Variants in MTUS1 observed in about 807,000 individuals in gnomAD.
MTUS1 encodes the protein microtubule associated scaffold protein 1, also known as microtubule-associated tumor suppressor 1.
MTUS1 carries 109 observed loss-of-function variants against 120.8 expected under a neutral mutation model. The observed-to-expected ratio is 0.90, with a 90% CI of 0.77 to 1.06. The LOEUF (loss-of-function observed/expected upper bound fraction) is 1.06, where lower values mean the gene tolerates loss of function less well. Among genes scored for constraint, MTUS1 ranks in the 50% least tolerant of loss-of-function variants. The pLI, the probability that MTUS1 is intolerant of heterozygous loss-of-function variation, is 0.00. For synonymous variants in MTUS1, 737 were observed against 550.5 expected, an observed-to-expected ratio of 1.34 and a Z score of -4.74; for missense variants, 2,210 against 1,486.3, an observed-to-expected ratio of 1.49 and a Z score of -8.01.
At chr8:17,779,219 G>A (rs430238) in intron 1 of MTUS1, among the ~76,000 whole-genome samples, 21,768 of 152,112 alleles carry the variant, frequency 0.14, 2,272 homozygotes, top group East Asian at 0.46. Context: ...AACATGTGAC[G>A]GGTGGTTACA....
chr8:17,766,872 C>A (rs2049547872), intron 1 of MTUS1, among the ~76,000 whole-genome samples: 1 of 151,686 alleles, frequency 6.6e-6, no homozygotes, highest in Non-Finnish European at 1.5e-5. Context: ...AAAATATGAT[C>A]TTTCTTTTAA....
At chr8:17,749,291 C>A (rs1246148563) in intron 2 of MTUS1, among the ~76,000 whole-genome samples, 3 of 152,154 alleles carry the variant, frequency 2.0e-5, no homozygotes, top group Non-Finnish European at 4.4e-5. Flanking sequence ...TTGGTTTCCA[C>A]AGCTCCTTAT....
Position 17,722,227 on chromosome 8 carries a change from G to A in MTUS1, c.2449+1445C>T, listed in dbSNP as rs190709359. 4.7e-4 allele frequency: 470 copies of A among 1,001,582 alleles called. 5 individuals carry two copies. The highest frequency in any genetic ancestry group is 5.0e-4 in the Middle Eastern group (1 of 1,992). 62.0% of individuals were successfully genotyped at this position (1,001,582 alleles called of 1,614,324 possible). A position where few individuals can be genotyped will look rare whatever the true frequency, so the allele number is the denominator to read the frequency against. ...GGAGCATCAGACACAGTACTGAAAC[G>A]GTGGCCAAGTCAACATGGATGTCGA... On this transcript the variant is annotated intron_variant, in intron 4 of 14. Coordinates refer to ENST00000693296, the MANE Select transcript of MTUS1 (RefSeq NM_001363059.2).
intron 8 of MTUS1, among the ~76,000 whole-genome samples, chr8:17,657,107 GTTAAT>G (rs1808475795): frequency 6.8e-6 from 1 of 146,832 alleles, no homozygotes; most frequent in South Asian, 2.2e-4. Context: ...TAAACTTGTA[GTTAAT>G]TTGAGTTGAT....
At chr8:17,705,816 C>A (rs945931159) in intron 6 of MTUS1, 5 of 152,274 alleles carry the variant, frequency 3.3e-5, no homozygotes, top group Non-Finnish European at 7.3e-5. Context: ...GGCAGACACT[C>A]TGGCACCTGA....
intron 6 of MTUS1, chr8:17,697,298 A>C: frequency 6.2e-7 from 1 of 1,614,162 alleles, no homozygotes; most frequent in Non-Finnish European, 8.5e-7. Flanking sequence ...CCCTGAAGGA[A>C]GTCGAAGGTT....
chr8:17,703,790 A>G (rs1819597848), intron 6 of MTUS1, among the ~76,000 whole-genome samples: 1 of 152,138 alleles, frequency 6.6e-6, no homozygotes, highest in Admixed American at 6.6e-5. Context: ...ATTTATCAAG[A>G]CAATACGTGC....
chr8:17,703,382 G>A (rs1366614105), intron 6 of MTUS1, among the ~76,000 whole-genome samples: 2 of 152,036 alleles, frequency 1.3e-5, no homozygotes, highest in Admixed American at 1.3e-4. Context: ...GCCTGTGATC[G>A]CAGCACTTTG....
chr8:17,722,250 C>T (rs2045901759), intron 4 of MTUS1: 2 of 993,694 alleles, frequency 2.0e-6, no homozygotes, highest in Non-Finnish European at 2.4e-6. Flanking sequence ...ACATGGATGT[C>T]GATGGAAAAC....
At chr8:17,714,015 C>G (rs190423474) in intron 5 of MTUS1, among the ~76,000 whole-genome samples, 1 of 152,268 alleles carries the variant, frequency 6.6e-6, no homozygotes, top group African/African-American at 2.4e-5. Flanking sequence ...TCCATGGAAT[C>G]TCATTCTCTG....
chr8:17,756,759 C>T (rs887464194), intron 1 of MTUS1, among the ~76,000 whole-genome samples: 1 of 142,932 alleles, frequency 7.0e-6, no homozygotes, highest in East Asian at 2.2e-4. Flanking sequence ...GAGTGCTGAT[C>T]CAACAGAGCT....
At chr8:17,788,990 G>A (rs772933655) in intron 1 of MTUS1, among the ~76,000 whole-genome samples, 4 of 151,454 alleles carry the variant, frequency 2.6e-5, no homozygotes, top group Non-Finnish European at 5.9e-5. Context: ...GTACAGTTAT[G>A]CTAAAGAAAT....
chr8:17,698,695 G>A (rs1489045630), intron 6 of MTUS1, among the ~76,000 whole-genome samples: 2 of 152,102 alleles, frequency 1.3e-5, no homozygotes, highest in Non-Finnish European at 2.9e-5. Flanking sequence ...GAGGGAGGAA[G>A]AGAAAATTTA....
rs1414752699 is a variant in MTUS1 at position 17,647,053 on chromosome 8, G to C, written c.3528C>G (p.Asp1176Glu). ...TCTCCTGCTGGAAACGCTTCAATTT[G>C]TCAACCAATGCTGTGTTGTTGTCCA... ...KLVDNNTALV[D>E]KLKRFQQENE... The change falls in exon 14 of 15, where the codon GAC (aspartate) becomes GAG (glutamate). Residue 1176 changes from aspartate (D) to glutamate (E), a missense_variant. Coordinates refer to ENST00000693296, the MANE Select transcript of MTUS1 (RefSeq NM_001363059.2). The C allele has an allele frequency of 2.1e-5, 34 of 1,613,570 alleles. No individual in the cohort carries two copies. Among genetic ancestry groups the C allele is most frequent in the Non-Finnish European group, 2.9e-5 (34 of 1,179,902 alleles).
chr8:17,773,517 G>C (rs2050169684), intron 1 of MTUS1, among the ~76,000 whole-genome samples: 1 of 152,106 alleles, frequency 6.6e-6, no homozygotes, highest in African/African-American at 2.4e-5. Context: ...AGTTCATTTA[G>C]CTCAGGGTTC....
intron 8 of MTUS1, chr8:17,674,938 G>C (rs1812776653): frequency 7.9e-7 from 1 of 1,269,198 alleles, no homozygotes. Context: ...TCTTCAGCAA[G>C]AGAAATATTT....
At chr8:17,737,125 CT>C (rs1171298596) in intron 3 of MTUS1, among the ~76,000 whole-genome samples, 1 of 152,154 alleles carries the variant, frequency 6.6e-6, no homozygotes, top group Non-Finnish European at 1.5e-5. Flanking sequence ...GTCAAGACTT[CT>C]GCATGCACGT....
In MTUS1 at chr8:17,755,719, TTG is replaced by T. The variant is rs758590186; in HGVS notation, c.87_88del (p.Tyr29Ter). 3.8e-5 allele frequency: 62 copies of T among 1,614,168 alleles called. 1 individual carries two copies. The South Asian group carries it at 6.6e-4, about 17-fold the overall frequency. ...GTTTTGTGTAGGTGGTGATTTCGGG[TTG>T]TATGCATGTGTATTTCCATCTTTAT... On this transcript the variant is annotated stop_gained and frameshift_variant, in exon 2 of 15. Transcript: ENST00000693296. LOFTEE classifies it high-confidence loss of function.
In MTUS1 at chr8:17,755,365, C is replaced by G. The variant is rs201101994; in HGVS notation, c.443G>C (p.Cys148Ser). The change falls in exon 2 of 15, where the codon TGT (cysteine) becomes TCT (serine). Residue 148 changes from cysteine to serine, a missense_variant. Coordinates refer to ENST00000693296, the MANE Select transcript of MTUS1 (RefSeq NM_001363059.2). ...FVWKPNDNLN[C>S]AGYCDALELN... is the part of the protein sequence containing the mutation. ...CTCCAAGGCATCACAGTAGCCTGCA[C>G]AGTTCAAATTGTCATTAGGCTTCCA... 1.2e-6 allele frequency: 2 copies of G among 1,614,038 alleles called. No individual in the cohort carries two copies. Among genetic ancestry groups the G allele is most frequent in the Non-Finnish European group, 1.7e-6 (2 of 1,180,008 alleles).
Sources: allele counts gnomAD v4.1 joint callset (sites outside exome capture counted in the v4.1 genomes callset), GRCh38; gene constraint gnomAD v4.1.1; transcripts MANE v1.5; gene names NCBI Gene and HGNC (gene_info 2026-07-23, HGNC 2026-07-21).